Variants in UBE2U observed in about 807,000 individuals in gnomAD.
UBE2U encodes ubiquitin conjugating enzyme E2 U.
UBE2U carries 39 observed loss-of-function variants against 41.2 expected under a neutral mutation model. That is an observed-to-expected ratio of 0.95 (90% CI 0.73 to 1.24). The LOEUF is 1.24. UBE2U is among the 50% of genes most tolerant of loss of function. The probability of loss-of-function intolerance (pLI) is 0.00; values close to 1 mark genes in which losing one functional copy is unlikely to be tolerated. For synonymous variants in UBE2U, 107 were observed against 117.8 expected (o/e 0.91, Z 0.60); for missense variants, 336 against 363.1 (o/e 0.93, Z 0.61).
At position 64,239,056 on chromosome 1, in the gene UBE2U, AGAAGAAGAAGAG is replaced by A. The variant is rs1423074898; in HGVS notation, c.596-2590_596-2579del. On this transcript the variant is annotated intron_variant, in intron 7 of 9. Coordinates refer to ENST00000371077, the MANE Select transcript of UBE2U (RefSeq NM_001366232.2). ...GACCCCCATCTCAAAAAGAAGAAGA[AGAAGAAGAAGAG>A]GAAGAGGAAGAGGAAGAGGAAGAGG... 6.8e-3 allele frequency among the ~76,000 whole-genome samples: 447 copies of A among 65,532 alleles called. 13 individuals carry two copies. The highest frequency in any genetic ancestry group is 0.019 in the Middle Eastern group (3 of 156). The allele number at this position is 65,532 out of a possible 152,430, so 43.0% of individuals were successfully genotyped here.
chr1:64,222,102 A>AAC (rs1482600921), intron 6 of UBE2U, among the ~76,000 whole-genome samples: 1 of 151,516 alleles, frequency 6.6e-6, no homozygotes, highest in Non-Finnish European at 1.5e-5. Context: ...AAAAAAAAAA[A>AAC]AAAAAAACAC....
intron 8 of UBE2U, among the ~76,000 whole-genome samples, chr1:64,260,197 C>T (rs1389191004): frequency 2.0e-5 from 3 of 152,090 alleles, no homozygotes; most frequent in African/African-American, 7.2e-5. Flanking sequence ...GGCCCTGCTG[C>T]CACCTTGATC....
chr1:64,247,073 C>T (rs1644932238), intron 8 of UBE2U, among the ~76,000 whole-genome samples: 1 of 140,760 alleles, frequency 7.1e-6, no homozygotes, highest in Admixed American at 7.2e-5. Flanking sequence ...GTGAAATTGC[C>T]CTTGAAGTCT....
chr1:64,243,063 G>T (rs567787703), intron 8 of UBE2U, among the ~76,000 whole-genome samples: 1 of 152,222 alleles, frequency 6.6e-6, no homozygotes, highest in East Asian at 1.9e-4. Flanking sequence ...TAAAATAATT[G>T]TGAGCTGTTT....
chr1:64,261,042 T>C (rs1433120413), intron 9 of UBE2U, among the ~76,000 whole-genome samples: 1 of 152,194 alleles, frequency 6.6e-6, no homozygotes, highest in Non-Finnish European at 1.5e-5. Flanking sequence ...TCATTGTATA[T>C]TCAAAGGTAT....
intron 8 of UBE2U, among the ~76,000 whole-genome samples, chr1:64,256,878 C>T (rs1645101491): frequency 6.7e-6 from 1 of 150,234 alleles, no homozygotes; most frequent in Non-Finnish European, 1.5e-5. Context: ...GATGTCTATC[C>T]AGCATCTACA....
chr1:64,258,244 G>T (rs1418918974), intron 8 of UBE2U, among the ~76,000 whole-genome samples: 2 of 152,038 alleles, frequency 1.3e-5, no homozygotes, highest in Non-Finnish European at 2.9e-5. Context: ...GCACAAGGTT[G>T]GTGTTCAATG....
At chr1:64,243,649 T>A (rs1644871874) in intron 8 of UBE2U, among the ~76,000 whole-genome samples, 1 of 152,176 alleles carries the variant, frequency 6.6e-6, no homozygotes, top group Non-Finnish European at 1.5e-5. Context: ...AAGAGAAACC[T>A]GTCTCTCCTG....
intron 7 of UBE2U, among the ~76,000 whole-genome samples, chr1:64,237,652 A>G (rs1644694799): frequency 6.6e-6 from 1 of 152,236 alleles, no homozygotes; most frequent in Non-Finnish European, 1.5e-5. Context: ...AGGAGTTTAC[A>G]GACAAGTGGT....
Position 64,204,072 on chromosome 1 carries a change from TTGCTGCACAGA to T in UBE2U, c.23_33del (p.Leu8Ter), listed in dbSNP as rs1196829745. 10 of 1,613,848 alleles carry T rather than the reference TTGCTGCACAGA, an allele frequency of 6.2e-6. No homozygotes were observed. Among genetic ancestry groups the T allele is most frequent in the Middle Eastern group, 1.6e-4 (1 of 6,082 alleles). On this transcript the variant is annotated frameshift_variant, in exon 1 of 10. Transcript: ENST00000371077. LOFTEE classifies it high-confidence loss of function. ...TATCATGCACGGCAGAGCTTACCTC[TTGCTGCACAGA>T]GACTTCTGTGATCTCAAGGAGAACA...
chr1:64,243,330 A>G (rs972345545), intron 8 of UBE2U, among the ~76,000 whole-genome samples: 1 of 152,212 alleles, frequency 6.6e-6, no homozygotes, highest in Non-Finnish European at 1.5e-5. Context: ...GACTATGCAA[A>G]TGTTAGAGGT....
chr1:64,251,588 A>G (rs1168849524), intron 8 of UBE2U, among the ~76,000 whole-genome samples: 1 of 152,134 alleles, frequency 6.6e-6, no homozygotes, highest in Non-Finnish European at 1.5e-5. Context: ...GGGTGAGGTG[A>G]GAGCCCACCC....
chr1:64,252,816 C>T (rs1408890071), intron 8 of UBE2U, among the ~76,000 whole-genome samples: 2 of 152,120 alleles, frequency 1.3e-5, no homozygotes, highest in East Asian at 1.9e-4. Context: ...AAAGTCAATA[C>T]AAAAATGCTG....
intron 8 of UBE2U, among the ~76,000 whole-genome samples, chr1:64,245,914 G>C (rs942874747): frequency 6.6e-6 from 1 of 152,132 alleles, no homozygotes; most frequent in African/African-American, 2.4e-5. Context: ...AGATTAGCGA[G>C]TTTTCCTGAG....
chr1:64,244,421 C>T (rs1211521022), intron 8 of UBE2U: 1 of 336,738 alleles, frequency 3.0e-6, no homozygotes, highest in Non-Finnish European at 4.2e-6. Flanking sequence ...AATTTTAGTT[C>T]CTGGGGAGAG....
Position 64,267,292 on chromosome 1 carries a change from T to C in UBE2U, c.*84T>C, listed in dbSNP as rs1645269317. 1 of 1,175,086 alleles carries C rather than the reference T, an allele frequency of 8.5e-7. No individual in the cohort carries two copies. The allele number at this position is 1,175,086 out of a possible 1,614,324, so 72.8% of individuals were successfully genotyped here. A position where few individuals can be genotyped will look rare whatever the true frequency, so the allele number is the denominator to read the frequency against. On this transcript the variant is annotated 3_prime_UTR_variant, in exon 10 of 10. Coordinates refer to ENST00000371077, the MANE Select transcript of UBE2U (RefSeq NM_001366232.2). The stretch of plus-strand genomic sequence containing the variant: ...GCAATTTTGGAAGACTCTCAGAACT[T>C]GGATTTCATTTTTTTTAAGTTGTTC...
At chr1:64,251,851 A>G (rs533708283) in intron 8 of UBE2U, among the ~76,000 whole-genome samples, 1 of 152,142 alleles carries the variant, frequency 6.6e-6, no homozygotes, top group Non-Finnish European at 1.5e-5. Flanking sequence ...ATCCACCCAT[A>G]CATTCCCCTA....
At chr1:64,246,193 T>C (rs973672457) in intron 8 of UBE2U, among the ~76,000 whole-genome samples, 3 of 152,182 alleles carry the variant, frequency 2.0e-5, no homozygotes, top group Admixed American at 6.6e-5. Flanking sequence ...AAAAAAACTT[T>C]CTTATATCTG....
rs191506019 is a variant in UBE2U at position 64,263,948 on chromosome 1, G to A, written c.770-3076G>A. On this transcript the variant is annotated intron_variant, in intron 9 of 9. Transcript: ENST00000371077. ...GCCTCTTGTACTCTATGAGCTCCTGGTTTCCCACTCGTGTCAGTGCATCAG... is the reference window on the plus strand; with the variant it reads ...GCCTCTTGTACTCTATGAGCTCCTGATTTCCCACTCGTGTCAGTGCATCAG... Among the ~76,000 whole-genome samples the A allele has an allele frequency of 2.0e-3, 301 of 152,228 alleles. 1 individual carries two copies. The highest frequency in any genetic ancestry group is 2.9e-3 in the Non-Finnish European group (196 of 68,028).
Sources: allele counts gnomAD v4.1 joint callset (sites outside exome capture counted in the v4.1 genomes callset), GRCh38; gene constraint gnomAD v4.1.1; transcripts MANE v1.5; gene names NCBI Gene and HGNC (gene_info 2026-07-23, HGNC 2026-07-21).